Variants in SMIM36 observed in about 807,000 individuals in gnomAD.
SMIM36 encodes small integral membrane protein 36.
In SMIM36 at chr17:55,507,577, G is replaced by T. The variant is rs1475559703; in HGVS notation, c.*174+3302C>A. On this transcript the variant is annotated intron_variant, in intron 1 of 4. Coordinates refer to ENST00000636752, the Ensembl canonical transcript of SMIM36. ...GGAATATCACACTCTGGGGACTGTG[G>T]TGGGGTGGGGGGAGGGGGGAGGGAT... Among the ~76,000 whole-genome samples the T allele has an allele frequency of 1.8e-3, 196 of 105,976 alleles. 1 individual carries two copies. The highest frequency in any genetic ancestry group is 6.7e-3 in the African/African-American group (179 of 26,894). The allele number at this position is 105,976 out of a possible 152,430, so 69.5% of individuals were successfully genotyped here. A position where few individuals can be genotyped will look rare whatever the true frequency, so the allele number is the denominator to read the frequency against.
At chr17:55,522,433 C>A in the SMIM36 span, among the ~76,000 whole-genome samples, 1 of 152,210 alleles carries the variant, frequency 6.6e-6, no homozygotes, top group African/African-American at 2.4e-5. Context: ...AATGGACTCA[C>A]AGTTCCACGT....
At chr17:55,498,320 A>T (rs547464282) in intron 1 of SMIM36, among the ~76,000 whole-genome samples, 23 of 152,156 alleles carry the variant, frequency 1.5e-4, no homozygotes, top group African/African-American at 5.1e-4. Context: ...GGGGGACAAA[A>T]TTCAACCCAT....
chr17:55,468,078 C>G (rs958140612), intron 3 of SMIM36: 1 of 152,334 alleles, frequency 6.6e-6, no homozygotes, highest in Non-Finnish European at 1.5e-5. Flanking sequence ...CTCCTATCTC[C>G]CTTTGCTGAC....
chr17:55,454,660 TA>T (rs1290206391), intron 4 of SMIM36, among the ~76,000 whole-genome samples: 1 of 152,190 alleles, frequency 6.6e-6, no homozygotes, highest in Admixed American at 6.5e-5. Flanking sequence ...AAACTTGCTT[TA>T]AAAAAGTGTG....
intron 1 of SMIM36, among the ~76,000 whole-genome samples, chr17:55,499,804 G>C (rs1187852382): frequency 6.6e-6 from 1 of 152,066 alleles, no homozygotes; most frequent in Non-Finnish European, 1.5e-5. Flanking sequence ...CATTCCACCA[G>C]GTCTTAATAG....
At chr17:55,519,840 G>A in the SMIM36 span, among the ~76,000 whole-genome samples, 125 of 152,350 alleles carry the variant, frequency 8.2e-4, no homozygotes, top group Non-Finnish European at 1.5e-3. Flanking sequence ...GAAATGTTTA[G>A]AAGCAGCTGT....
upstream of SMIM36, among the ~76,000 whole-genome samples, chr17:55,512,139 G>A (rs1012488263): frequency 6.6e-6 from 1 of 152,200 alleles, no homozygotes. Context: ...CCATGCAGAA[G>A]CAACATTTAA....
In SMIM36 at chr17:55,457,804, G is replaced by A. The variant is rs530311975; in HGVS notation, c.*532-7506C>T. 1.6e-3 allele frequency among the ~76,000 whole-genome samples: 245 copies of A among 152,136 alleles called. 1 individual carries two copies. Among genetic ancestry groups the A allele is most frequent in the African/African-American group, 5.4e-3 (225 of 41,518 alleles). Reference sequence around the variant, plus strand: ...GCCTCCCAAAGTGCTGGGATTAAAGGCTTGAGCTACCGCGCCGGCCTTTTG... The same window carrying A: ...GCCTCCCAAAGTGCTGGGATTAAAGACTTGAGCTACCGCGCCGGCCTTTTG... On this transcript the variant is annotated intron_variant, in intron 4 of 4. Coordinates refer to ENST00000636752, the Ensembl canonical transcript of SMIM36.
At chr17:55,474,994 G>A (rs1909405819) in intron 3 of SMIM36, among the ~76,000 whole-genome samples, 1 of 152,098 alleles carries the variant, frequency 6.6e-6, no homozygotes, top group Non-Finnish European at 1.5e-5. Flanking sequence ...TAAACTGTAA[G>A]CCAGGGCACC....
intron 1 of SMIM36, among the ~76,000 whole-genome samples, chr17:55,484,278 T>G (rs1346623685): frequency 6.6e-6 from 1 of 152,178 alleles, no homozygotes; most frequent in Non-Finnish European, 1.5e-5. Context: ...CTGTATACAT[T>G]GCACTGCAGG....
chr17:55,458,463 C>G (rs1042477212), intron 4 of SMIM36: 3 of 152,192 alleles, frequency 2.0e-5, no homozygotes, highest in African/African-American at 7.2e-5. Context: ...ATCCACCCCA[C>G]GGACCTAGGT....
chr17:55,529,212 T>G, the SMIM36 span, among the ~76,000 whole-genome samples: 2 of 152,202 alleles, frequency 1.3e-5, no homozygotes, highest in Non-Finnish European at 2.9e-5. Flanking sequence ...AAAAGAGATA[T>G]TCATACAGAG....
chr17:55,456,691 G>A (rs1010433102), intron 4 of SMIM36, among the ~76,000 whole-genome samples: 1 of 152,192 alleles, frequency 6.6e-6, no homozygotes, highest in Admixed American at 6.5e-5. Flanking sequence ...GTGTTTGTTT[G>A]TGTTTCTCTT....
At chr17:55,463,044 C>A (rs1255639199) in intron 4 of SMIM36, among the ~76,000 whole-genome samples, 1 of 152,044 alleles carries the variant, frequency 6.6e-6, no homozygotes, top group Non-Finnish European at 1.5e-5. Context: ...GGTATTTTTT[C>A]TTTTCTAATT....
chr17:55,464,751 C>T (rs1263306542), intron 4 of SMIM36, among the ~76,000 whole-genome samples: 1 of 152,204 alleles, frequency 6.6e-6, no homozygotes, highest in East Asian at 1.9e-4. Flanking sequence ...GCTCTCTCCA[C>T]CTGACAGTTA....
chr17:55,477,239 T>A (rs1165185322), intron 3 of SMIM36: 2 of 152,232 alleles, frequency 1.3e-5, no homozygotes, highest in African/African-American at 4.8e-5. Flanking sequence ...AAATGTATTG[T>A]TTCATAGTTA....
intron 2 of SMIM36, among the ~76,000 whole-genome samples, chr17:55,479,139 T>C (rs1567866111): frequency 6.6e-6 from 1 of 152,216 alleles, no homozygotes; most frequent in African/African-American, 2.4e-5. Flanking sequence ...TCTCAGCCTT[T>C]TGGTGTATGC....
At chr17:55,477,873 G>T (rs1157028590) in intron 3 of SMIM36, among the ~76,000 whole-genome samples, 1 of 150,002 alleles carries the variant, frequency 6.7e-6, no homozygotes, top group African/African-American at 2.5e-5. Flanking sequence ...TTTTAAGAGA[G>T]AGAAAAGCTC....
At chr17:55,474,580 CT>C (rs1243553448) in intron 3 of SMIM36, among the ~76,000 whole-genome samples, 1 of 152,142 alleles carries the variant, frequency 6.6e-6, no homozygotes, top group Non-Finnish European at 1.5e-5. Flanking sequence ...CGTATCGGCA[CT>C]TTGGTTTTTG....
Sources: gnomAD v4.1 joint callset for allele counts (sites outside exome capture counted in the v4.1 genomes callset) on GRCh38, gnomAD v4.1.1 for gene constraint, MANE v1.5 for transcripts, NCBI Gene and HGNC (gene_info 2026-07-23, HGNC 2026-07-21) for gene names.